LIMK2: variants seen among roughly 807,000 people sequenced by gnomAD.
LIMK2 encodes the protein LIM domain kinase 2.
Under a neutral mutation model 75.7 loss-of-function variants are expected in LIMK2, and 35 were observed. The ratio of observed to expected loss-of-function variants is 0.46; its 90% CI spans 0.35 to 0.61. The LOEUF (loss-of-function observed/expected upper bound fraction) is 0.61, where lower values mean the gene tolerates loss of function less well. LIMK2 is among the 20% of genes least tolerant of loss of function. The pLI, the probability that LIMK2 is intolerant of heterozygous loss-of-function variation, is 0.00. For synonymous variants in LIMK2, 301 were observed against 319.2 expected, an observed-to-expected ratio of 0.94 and a Z score of 0.61; for missense variants, 623 against 831.0, an observed-to-expected ratio of 0.75 and a Z score of 3.08.
At chr22:31,232,397 C>A (rs1249789402) in intron 2 of LIMK2, among the ~76,000 whole-genome samples, 4 of 152,076 alleles carry the variant, frequency 2.6e-5, no homozygotes, top group Admixed American at 1.3e-4. Flanking sequence ...TAAAAGAAAT[C>A]CATCTCATGG....
rs753065362 is a variant in LIMK2 at position 31,259,074 on chromosome 22, T to C, written c.253-47T>C. ...TCCTCACTCCAGCAACAGTGATAACTCACTTCCTTCCTCCCTTTGTACACC... is the reference window on the plus strand; with the variant it reads ...TCCTCACTCCAGCAACAGTGATAACCCACTTCCTTCCTCCCTTTGTACACC... On this transcript the variant is annotated intron_variant, in intron 3 of 15. Transcript: ENST00000331728. 57 of 1,132,776 alleles carry C rather than the reference T, an allele frequency of 5.0e-5. 1 individual carries two copies. The South Asian group carries it at 7.0e-4, about 14-fold the overall frequency. 70.2% of individuals were successfully genotyped at this position (1,132,776 alleles called of 1,614,324 possible).
At chr22:31,232,833 C>T (rs191009609) in intron 2 of LIMK2, among the ~76,000 whole-genome samples, 244 of 152,084 alleles carry the variant, frequency 1.6e-3, no homozygotes, top group Non-Finnish European at 2.7e-3. Context: ...CTCCTGGGCT[C>T]GAGATCCTCC....
chr22:31,261,801 A>G (rs1345508572), intron 5 of LIMK2, among the ~76,000 whole-genome samples: 1 of 152,194 alleles, frequency 6.6e-6, no homozygotes, highest in Non-Finnish European at 1.5e-5. Flanking sequence ...TAAAAAAAAA[A>G]TAGAAGCTAT....
rs1481837777 is a variant in LIMK2, at chr22:31,276,887, A to C, written c.1773-1410A>C. The C allele has an allele frequency of 2.5e-6, 4 of 1,612,688 alleles. No individual in the cohort carries two copies. The East Asian group carries it at 6.7e-5, about 27-fold the overall frequency. On this transcript the variant is annotated intron_variant, in intron 15 of 15. Coordinates refer to ENST00000331728, the MANE Select transcript of LIMK2 (RefSeq NM_005569.4). ...GTCACCATCAAGTATGACCCCAAGGAGCTACGGAAGCACCTCAACCTAGAG... is the reference window on the plus strand; with the variant it reads ...GTCACCATCAAGTATGACCCCAAGGCGCTACGGAAGCACCTCAACCTAGAG...
rs1288388414 is a variant in LIMK2, at chr22:31,265,796, C to T, written c.855-150C>T. ...TGATGTCAGCAACCCCAAAATGATACATCTGATGTAAGAGCCCCTGTTCCC... is the reference window on the plus strand; with the variant it reads ...TGATGTCAGCAACCCCAAAATGATATATCTGATGTAAGAGCCCCTGTTCCC... On this transcript the variant is annotated intron_variant, in intron 7 of 15. Transcript: ENST00000331728. 5 of 625,190 alleles carry T rather than the reference C, an allele frequency of 8.0e-6. No individual in the cohort carries two copies. The East Asian group carries it at 1.4e-4, about 17-fold the overall frequency. 38.7% of individuals were successfully genotyped at this position (625,190 alleles called of 1,614,324 possible). A position where few individuals can be genotyped will look rare whatever the true frequency, so the allele number is the denominator to read the frequency against.
intron 1 of LIMK2, chr22:31,222,775 G>T (rs1288837732): frequency 6.6e-6 from 1 of 152,022 alleles, no homozygotes; most frequent in Non-Finnish European, 1.5e-5. Flanking sequence ...GAGTTTGCAT[G>T]TCATCCTTGC....
chr22:31,259,843 T>A, intron 4 of LIMK2, 46 bp from the exon 5 acceptor site: 1 of 1,541,148 alleles, frequency 6.5e-7, no homozygotes, highest in Non-Finnish European at 8.7e-7. Flanking sequence ...GGGGGGCTTC[T>A]GTGTGGGACT....
intron 1 of LIMK2, among the ~76,000 whole-genome samples, chr22:31,212,984 CTT>C: frequency 6.6e-6 from 1 of 152,122 alleles, no homozygotes; most frequent in African/African-American, 2.4e-5. Context: ...GCTGGGAGCT[CTT>C]TGCAGAAAAT....
intron 2 of LIMK2, among the ~76,000 whole-genome samples, chr22:31,256,860 G>T: frequency 6.6e-6 from 1 of 152,004 alleles, no homozygotes; most frequent in East Asian, 1.9e-4. Context: ...ATAGGGAAAA[G>T]AAGGAGCTAG....
At position 31,267,816 on chromosome 22, in the gene LIMK2, A is replaced by G; in HGVS notation, c.1169A>G (p.Lys390Arg). ...AGCCTGGACCACCCCAATGTGCTCA[A>G]GTTCATTGGTGTGCTGTACAAGGAT... ...MRSLDHPNVL[K>R]FIGVLYKDKK... is the part of the protein sequence containing the mutation. The change falls in exon 10 of 16, where the codon AAG becomes AGG. Residue 390 changes from lysine (K) to arginine (R), a missense_variant. Physicochemically the swap from Lys to Arg is conservative, Grantham distance 26. Coordinates refer to ENST00000331728, the MANE Select transcript of LIMK2 (RefSeq NM_005569.4). 1.2e-6 allele frequency: 2 copies of G among 1,612,256 alleles called. No individual in the cohort carries two copies. The highest frequency in any genetic ancestry group is 1.7e-6 in the Non-Finnish European group (2 of 1,179,316).
chr22:31,249,815 T>A (rs1357454815), intron 2 of LIMK2, among the ~76,000 whole-genome samples: 1 of 152,138 alleles, frequency 6.6e-6, no homozygotes, highest in African/African-American at 2.4e-5. Flanking sequence ...GGTAGATTGC[T>A]GGGAAGTGTC....
At chr22:31,230,056 C>CTTTTTTTTTTTTTTTTTTTTTTTTCT (rs33933239) in intron 2 of LIMK2, 1 of 120,834 alleles carries the variant, frequency 8.3e-6, no homozygotes, top group African/African-American at 3.1e-5. Context: ...TTCTTTCTTT[C>CTTTTTTTTTTTTTTTTTTTTTTTTCT]TTTTTTTTTT....
chr22:31,220,819 G>A (rs542623868), intron 1 of LIMK2, among the ~76,000 whole-genome samples: 49 of 152,098 alleles, frequency 3.2e-4, no homozygotes, highest in Middle Eastern at 3.4e-3. Flanking sequence ...AAAATTAGCC[G>A]GGCGTCGTGG....
At position 31,279,973 on chromosome 22, in the gene LIMK2, T is replaced by C. The variant is rs945297971; in HGVS notation, c.*1532T>C. 6 of 152,448 alleles carry C rather than the reference T, an allele frequency of 3.9e-5. No homozygotes were observed. Among genetic ancestry groups the C allele is most frequent in the African/African-American group, 1.4e-4 (6 of 41,452 alleles). The allele number at this position is 152,448 out of a possible 1,614,324, so 9.4% of individuals were successfully genotyped here. ...CTCCCAGCAGCAGCACAGTTCAGCA[T>C]TGTGTGGCTGGTTGTTTCCTGGCTG... On this transcript the variant is annotated 3_prime_UTR_variant, in exon 16 of 16. Transcript: ENST00000331728.
At chr22:31,275,624 C>T (rs2049005777) in intron 15 of LIMK2, 1 of 251,944 alleles carries the variant, frequency 4.0e-6, no homozygotes, top group South Asian at 8.0e-5. Context: ...TCCATATCTA[C>T]ACATATACTT....
intron 2 of LIMK2, among the ~76,000 whole-genome samples, chr22:31,253,270 A>G (rs1362049619): frequency 1.3e-5 from 2 of 152,208 alleles, no homozygotes; most frequent in African/African-American, 4.8e-5. Context: ...GCCAGGGCAG[A>G]TTTTGACTTT....
intron 2 of LIMK2, among the ~76,000 whole-genome samples, chr22:31,239,681 A>G (rs1287606829): frequency 6.6e-6 from 1 of 152,022 alleles, no homozygotes; most frequent in Non-Finnish European, 1.5e-5. Context: ...GTATTTGTTT[A>G]CACATCTAGC....
intron 12 of LIMK2, 116 bp from the exon 13 acceptor site, chr22:31,272,414 C>T (rs768372937): frequency 1.0e-6 from 1 of 954,938 alleles, no homozygotes; most frequent in Non-Finnish European, 1.5e-6. Context: ...CTCTGATTCT[C>T]CCTTGCTATA....
chr22:31,255,506 A>C (rs5997926), intron 2 of LIMK2, among the ~76,000 whole-genome samples: 140 of 152,310 alleles, frequency 9.2e-4, no homozygotes, highest in African/African-American at 3.2e-3. Context: ...CACTCCAGAA[A>C]GATAAAGGGA....
Sources: allele counts gnomAD v4.1 joint callset (sites outside exome capture counted in the v4.1 genomes callset), GRCh38; gene constraint gnomAD v4.1.1; transcripts MANE v1.5; gene names NCBI Gene and HGNC (gene_info 2026-07-23, HGNC 2026-07-21).